PTK2: variants seen among roughly 807,000 people sequenced by gnomAD.
PTK2 encodes protein tyrosine kinase 2.
A neutral mutation model predicts 150.1 loss-of-function variants in PTK2; 45 were observed. The ratio of observed to expected loss-of-function variants is 0.30; its 90% CI spans 0.24 to 0.38. The LOEUF (loss-of-function observed/expected upper bound fraction) is 0.38, where lower values mean the gene tolerates loss of function less well. PTK2 is among the 10% of genes least tolerant of loss of function. The pLI is 1.00. For synonymous variants in PTK2, 432 were observed against 449.2 expected, an observed-to-expected ratio of 0.96 and a Z score of 0.48; for missense variants, 919 against 1,307.3, an observed-to-expected ratio of 0.70 and a Z score of 4.58.
At chr8:140,808,662 G>A (rs1158069822) in intron 10 of PTK2, among the ~76,000 whole-genome samples, 1 of 150,116 alleles carries the variant, frequency 6.7e-6, no homozygotes, top group African/African-American at 2.5e-5. Flanking sequence ...AGGGCTACTT[G>A]AAACTTAAGT....
chr8:140,960,601 G>A (rs765781297), intron 1 of PTK2, among the ~76,000 whole-genome samples: 15 of 152,198 alleles, frequency 9.9e-5, no homozygotes, highest in Admixed American at 2.0e-4. Context: ...AAGAAAGCAT[G>A]ATCTCATACT....
intron 1 of PTK2, among the ~76,000 whole-genome samples, chr8:140,932,186 A>G (rs1603371126): frequency 6.6e-6 from 1 of 152,176 alleles, no homozygotes; most frequent in Admixed American, 6.5e-5. Context: ...CGCAATTTTT[A>G]AAGTTTCACT....
intron 29 of PTK2, 93 bp from the exon 33 acceptor site, chr8:140,669,828 C>A: frequency 7.3e-7 from 1 of 1,372,054 alleles, no homozygotes; most frequent in South Asian, 1.3e-5. Flanking sequence ...TAAGACAAAT[C>A]CCCCATAAAA....
intron 4 of PTK2, among the ~76,000 whole-genome samples, chr8:140,877,731 A>G (rs1036589095): frequency 1.3e-5 from 2 of 152,036 alleles, no homozygotes; most frequent in African/African-American, 4.8e-5. Context: ...TCAATCTGTG[A>G]GAAATTCTAT....
At chr8:140,722,297 C>T (rs2100043343) in intron 22 of PTK2, among the ~76,000 whole-genome samples, 1 of 151,970 alleles carries the variant, frequency 6.6e-6, no homozygotes, top group South Asian at 2.1e-4. Context: ...TTTTTTGAGA[C>T]AGGGTCTAAC....
At chr8:140,677,515 GA>G (rs1292472582) in intron 27 of PTK2, among the ~76,000 whole-genome samples, 1 of 152,156 alleles carries the variant, frequency 6.6e-6, no homozygotes, top group Non-Finnish European at 1.5e-5. Context: ...TTCTACTTTT[GA>G]AAAGAAAGAC....
chr8:140,773,239 T>G (rs2100076539), intron 14 of PTK2, among the ~76,000 whole-genome samples: 1 of 152,236 alleles, frequency 6.6e-6, no homozygotes, highest in Non-Finnish European at 1.5e-5. Flanking sequence ...TTTTATTGTA[T>G]TCAAGATAAT....
intron 1 of PTK2, among the ~76,000 whole-genome samples, chr8:140,989,009 C>A (rs1266427205): frequency 2.0e-5 from 3 of 150,172 alleles, no homozygotes; most frequent in Non-Finnish European, 1.5e-5. Flanking sequence ...GTGGGGAAGA[C>A]AAAAAAAAGG....
intron 28 of PTK2, 101 bp from the exon 32 acceptor site, chr8:140,674,505 T>A: frequency 2.9e-6 from 3 of 1,051,882 alleles, no homozygotes; most frequent in Non-Finnish European, 2.8e-6. Flanking sequence ...TTTGGGAGGC[T>A]GAAGCGGGCA....
At chr8:140,865,625 C>T (rs2100138852) in intron 4 of PTK2, among the ~76,000 whole-genome samples, 1 of 152,196 alleles carries the variant, frequency 6.6e-6, no homozygotes, top group Non-Finnish European at 1.5e-5. Context: ...TATTAAAATA[C>T]AAAATTGCCA....
intron 26 of PTK2, among the ~76,000 whole-genome samples, chr8:140,697,994 T>C (rs570557338): frequency 6.6e-6 from 1 of 150,996 alleles, no homozygotes; most frequent in Non-Finnish European, 1.5e-5. Context: ...GGCTGGAATA[T>C]AGCCTTTTGA....
At chr8:140,996,667 G>A (rs1044864737) in intron 1 of PTK2, among the ~76,000 whole-genome samples, 1 of 152,156 alleles carries the variant, frequency 6.6e-6, no homozygotes, top group African/African-American at 2.4e-5. Flanking sequence ...AACAAAGCCT[G>A]GATGATAGCA....
intron 1 of PTK2, among the ~76,000 whole-genome samples, chr8:140,956,102 C>T (rs771935547): frequency 2.0e-5 from 3 of 152,226 alleles, no homozygotes; most frequent in Non-Finnish European, 4.4e-5. Context: ...GGTCTTTACC[C>T]TGCAGGAACC....
At chr8:140,773,355 CG>C (rs2100076613) in intron 14 of PTK2, among the ~76,000 whole-genome samples, 1 of 152,100 alleles carries the variant, frequency 6.6e-6, no homozygotes, top group Non-Finnish European at 1.5e-5. Flanking sequence ...ATTGAGCTTA[CG>C]TTCTAGTAAG....
At chr8:140,849,799 A>G (rs1310646790) in intron 5 of PTK2, among the ~76,000 whole-genome samples, 1 of 152,260 alleles carries the variant, frequency 6.6e-6, no homozygotes, top group Admixed American at 6.5e-5. Flanking sequence ...AAAGATCAGA[A>G]AACTTAACTT....
intron 31 of PTK2, among the ~76,000 whole-genome samples, chr8:140,664,052 C>T (rs553562224): frequency 3.3e-5 from 5 of 152,058 alleles, no homozygotes; most frequent in Non-Finnish European, 5.9e-5. Flanking sequence ...GGCACGATCT[C>T]GGCTCACTGC....
chr8:140,805,850 T>C (rs1037877498), intron 10 of PTK2, among the ~76,000 whole-genome samples: 1 of 152,188 alleles, frequency 6.6e-6, no homozygotes, highest in Non-Finnish European at 1.5e-5. Flanking sequence ...ATCACTCCTC[T>C]GCTTAAAAAG....
chr8:140,962,730 G>A (rs1211747337), intron 1 of PTK2, among the ~76,000 whole-genome samples: 2 of 151,810 alleles, frequency 1.3e-5, no homozygotes, highest in Non-Finnish European at 2.9e-5. Context: ...GCAGTGAGCT[G>A]AGATCACGCC....
At chr8:140,815,266 G>A (rs1329853196) in intron 10 of PTK2, among the ~76,000 whole-genome samples, 1 of 151,158 alleles carries the variant, frequency 6.6e-6, no homozygotes, top group Non-Finnish European at 1.5e-5. Context: ...CAGGAACATG[G>A]ATGGAGCTGG....
Sources: allele counts gnomAD v4.1 joint callset (sites outside exome capture counted in the v4.1 genomes callset), GRCh38; gene constraint gnomAD v4.1.1; transcripts MANE v1.5; gene names NCBI Gene and HGNC (gene_info 2026-07-23, HGNC 2026-07-21).